The following SSPN variants were observed in gnomAD, a reference collection of about 807,000 sequenced individuals.
The protein encoded by SSPN is sarcospan.
In SSPN, 15 loss-of-function variants were observed where a neutral mutation model predicts 19.1. That is an observed-to-expected ratio of 0.78 (90% CI 0.52 to 1.21). The LOEUF (loss-of-function observed/expected upper bound fraction) is 1.21, where lower values mean the gene tolerates loss of function less well. Ranked by LOEUF, SSPN falls within the 50% of genes most tolerant of loss-of-function variation. SSPN has a pLI of 0.00. For synonymous variants in SSPN, 147 were observed against 140.3 expected (o/e 1.05, Z -0.34); for missense variants, 291 against 314.0 (o/e 0.93, Z 0.55).
rs1944822646 is a variant in SSPN at position 26,195,778 on chromosome 12, C to T, written c.106C>T (p.Pro36Ser). ...GGAGCCGAAGAAGGGCACGGGGGCC[C>T]CCAAGGAGTGCGGGGAGGAGGAGCC... ...DMEPKKGTGA[P>S]KECGEEEPRT... is the part of the protein sequence containing the mutation. The change falls in exon 1 of 3, where the codon CCC becomes TCC. Residue 36 changes from proline (P) to serine (S), a missense_variant. Physicochemically the swap from Pro to Ser is moderately conservative, Grantham distance 74. Around this residue, in one of 3 missense-constraint regions of SSPN, gnomAD observed 139 missense variants for 119.6 expected, o/e 1.16. Transcript: ENST00000242729. The T allele has an allele frequency of 6.6e-7, 1 of 1,516,980 alleles. No homozygotes were observed. Among genetic ancestry groups the T allele is most frequent in the East Asian group, 2.7e-5 (1 of 37,684 alleles). 94.0% of individuals were successfully genotyped at this position (1,516,980 alleles called of 1,614,324 possible). A position where few individuals can be genotyped will look rare whatever the true frequency, so the allele number is the denominator to read the frequency against.
chr12:26,122,046 G>C lies in SSPN; in HGVS notation c.-137G>C, dbSNP rs1183444176. ...AACTTCTCACTCTGCTTGAACCTCC[G>C]TCCTTCGGGACGCAAGGATTCAGGG... On this transcript the variant is annotated 5_prime_UTR_variant, in exon 1 of 3. Transcript: ENST00000538142. The C allele has an allele frequency of 3.9e-6, 6 of 1,548,762 alleles. No homozygotes were observed. The African/African-American group carries it at 8.2e-5, about 21-fold the overall frequency.
intron 1 of SSPN, among the ~76,000 whole-genome samples, chr12:26,208,065 A>C (rs12313513): frequency 0.35 from 52,495 of 151,306 alleles, 9,771 homozygotes; most frequent in South Asian, 0.53. Context: ...TGTTGAAGAA[A>C]ATTTGTTTTC....
intron 1 of SSPN, among the ~76,000 whole-genome samples, chr12:26,154,248 C>T (rs772039619): frequency 1.3e-5 from 2 of 152,188 alleles, no homozygotes; most frequent in Non-Finnish European, 2.9e-5. Context: ...AACTCACCCT[C>T]GGTTGATCTG....
intron 1 of SSPN, among the ~76,000 whole-genome samples, chr12:26,199,010 T>C (rs1055141685): frequency 6.6e-6 from 1 of 152,206 alleles, no homozygotes; most frequent in Admixed American, 6.5e-5. Context: ...TCTACAACTT[T>C]CCATGCTTCA....
chr12:26,136,124 T>G (rs1468750676), intron 1 of SSPN, among the ~76,000 whole-genome samples: 3 of 152,228 alleles, frequency 2.0e-5, no homozygotes, highest in African/African-American at 7.2e-5. Flanking sequence ...TACAGTTTAT[T>G]TATATAGCAC....
chr12:26,154,832 A>G (rs895222982), intron 1 of SSPN, among the ~76,000 whole-genome samples: 2 of 152,172 alleles, frequency 1.3e-5, no homozygotes, highest in African/African-American at 2.4e-5. Flanking sequence ...GGGCCCAGTA[A>G]CATGGTGCCA....
intron 1 of SSPN, among the ~76,000 whole-genome samples, chr12:26,140,506 C>T (rs1944454112): frequency 6.6e-6 from 1 of 152,104 alleles, no homozygotes; most frequent in Non-Finnish European, 1.5e-5. Flanking sequence ...GATTTGTGTC[C>T]CCGCCCAAAT....
chr12:26,132,386 A>G (rs1325197860), intron 1 of SSPN, among the ~76,000 whole-genome samples: 1 of 152,220 alleles, frequency 6.6e-6, no homozygotes, highest in Non-Finnish European at 1.5e-5. Flanking sequence ...AAGAGAAAAG[A>G]TCACTAAGAA....
chr12:26,193,524 T>A (rs61425338), upstream of SSPN, among the ~76,000 whole-genome samples: 6,782 of 152,304 alleles, frequency 0.045, 513 homozygotes, highest in African/African-American at 0.16. Flanking sequence ...AGGTAGTCAA[T>A]TGACTTTCTA....
chr12:26,191,370 T>C (rs1390204675), upstream of SSPN, among the ~76,000 whole-genome samples: 1 of 152,154 alleles, frequency 6.6e-6, no homozygotes, highest in Non-Finnish European at 1.5e-5. Context: ...CCTATAGTCC[T>C]AGCTGCTCAG....
At chr12:26,229,610 C>G (rs1356902678) in intron 2 of SSPN, among the ~76,000 whole-genome samples, 1 of 152,132 alleles carries the variant, frequency 6.6e-6, no homozygotes, top group Non-Finnish European at 1.5e-5. Flanking sequence ...TTCCTCTGAA[C>G]CTGGAAATGA....
intron 1 of SSPN, among the ~76,000 whole-genome samples, chr12:26,208,448 CTTAT>C (rs1176185951): frequency 6.6e-6 from 1 of 151,820 alleles, no homozygotes; most frequent in Non-Finnish European, 1.5e-5. Context: ...TTGTTCGTTT[CTTAT>C]TTATTTATAG....
At chr12:26,184,726 A>C (rs778327979) in intron 1 of SSPN, among the ~76,000 whole-genome samples, 1 of 152,226 alleles carries the variant, frequency 6.6e-6, no homozygotes, top group Non-Finnish European at 1.5e-5. Context: ...CCACAGAGGA[A>C]AGACTATTAC....
chr12:26,195,435 G>T (rs1168280470), upstream of SSPN: 3 of 656,010 alleles, frequency 4.6e-6, no homozygotes, highest in African/African-American at 1.9e-5. Context: ...AATCCTGCCC[G>T]GGGCCCGGCA....
intron 1 of SSPN, among the ~76,000 whole-genome samples, chr12:26,209,556 G>T (rs146781416): frequency 1.3e-5 from 2 of 151,654 alleles, no homozygotes; most frequent in Non-Finnish European, 2.9e-5. Flanking sequence ...TCTTCATTTA[G>T]GTTTAATCTG....
chr12:26,210,774 G>A (rs1944977094), intron 1 of SSPN, among the ~76,000 whole-genome samples: 1 of 152,100 alleles, frequency 6.6e-6, no homozygotes, highest in Admixed American at 6.6e-5. Context: ...GCATTTTACA[G>A]TGTTTTATAG....
chr12:26,201,038 TATATATATTATATATATATA>T (rs1944878226), intron 1 of SSPN, among the ~76,000 whole-genome samples: 1 of 59,896 alleles, frequency 1.7e-5, no homozygotes, highest in Admixed American at 2.1e-4. Flanking sequence ...TATATATATA[TATATATATTATATATATATA>T]TTTGGAAATA....
At chr12:26,124,793 T>C (rs773713391) in intron 1 of SSPN, 3 of 1,614,190 alleles carry the variant, frequency 1.9e-6, no homozygotes, top group Non-Finnish European at 2.5e-6. Context: ...CAACTGCTGT[T>C]CGTTTCCTCT....
chr12:26,131,982 C>T (rs772089607), intron 1 of SSPN, among the ~76,000 whole-genome samples: 1 of 152,200 alleles, frequency 6.6e-6, no homozygotes, highest in Non-Finnish European at 1.5e-5. Context: ...CTGAGAGGAT[C>T]TCCTATCCAA....
Sources: gnomAD v4.1 joint callset for allele counts (sites outside exome capture counted in the v4.1 genomes callset) on GRCh38, gnomAD v4.1.1 for gene constraint, gnomAD v4.1.1 regional missense constraint, MANE v1.5 for transcripts, NCBI Gene and HGNC (gene_info 2026-07-23, HGNC 2026-07-21) for gene names.